SUSD1: variants seen among roughly 807,000 people sequenced by gnomAD.
SUSD1 encodes the protein sushi domain-containing protein 1.
A neutral mutation model predicts 86.9 loss-of-function variants in SUSD1; 65 were observed. The observed-to-expected ratio is 0.75, with a 90% CI of 0.61 to 0.92. The LOEUF (loss-of-function observed/expected upper bound fraction) is 0.92. SUSD1 is among the 40% of genes least tolerant of loss of function. The probability of loss-of-function intolerance (pLI) is 0.00; values close to 1 mark genes in which losing one functional copy is unlikely to be tolerated. For missense variants in SUSD1, 850 were observed against 929.7 expected (o/e 0.91, Z 1.11); for synonymous variants, 346 against 350.0 (o/e 0.99, Z 0.13).
chr9:112,148,972 A>G (rs1459280326), intron 3 of SUSD1, among the ~76,000 whole-genome samples: 1 of 152,010 alleles, frequency 6.6e-6, no homozygotes, highest in Non-Finnish European at 1.5e-5. Context: ...GAACTCCCAT[A>G]GACCCACATC....
At chr9:112,142,820 T>C (rs1832636095) in intron 4 of SUSD1, among the ~76,000 whole-genome samples, 1 of 152,110 alleles carries the variant, frequency 6.6e-6, no homozygotes, top group African/African-American at 2.4e-5. Context: ...CCTTAAGATA[T>C]ATGTACCTTG....
chr9:112,133,705 A>C (rs1470978561), intron 5 of SUSD1, among the ~76,000 whole-genome samples: 4 of 152,254 alleles, frequency 2.6e-5, no homozygotes, highest in African/African-American at 9.6e-5. Context: ...ACAAAAACAA[A>C]AGTGACAAGT....
chr9:112,098,519 T>C lies in SUSD1; in HGVS notation c.1425A>G (p.Arg475=). 3.1e-6 allele frequency: 5 copies of C among 1,614,158 alleles called. No individual in the cohort carries two copies. Among genetic ancestry groups the C allele is most frequent in the Non-Finnish European group, 3.4e-6 (4 of 1,180,022 alleles). ...TTTGCACTGAGTGCCGCTTAGGAGATCTCAGCAGGGTCACATTCACCGTAT... is the reference window on the plus strand; with the variant it reads ...TTTGCACTGAGTGCCGCTTAGGAGACCTCAGCAGGGTCACATTCACCGTAT... The part of the protein sequence containing the change: ...TDYTVNVTLL[R]SPKRHSVQIT... Residue 475 remains arginine (R), a synonymous_variant, in exon 10 of 17, where the codon AGA becomes AGG. Coordinates refer to ENST00000374270, the MANE Select transcript of SUSD1 (RefSeq NM_022486.5).
At chr9:112,165,287 T>C (rs1247461597) in intron 1 of SUSD1, among the ~76,000 whole-genome samples, 2 of 152,216 alleles carry the variant, frequency 1.3e-5, no homozygotes, top group African/African-American at 4.8e-5. Context: ...TCAGTATTTA[T>C]CCTCTGTATT....
intron 12 of SUSD1, among the ~76,000 whole-genome samples, chr9:112,076,384 T>G (rs1829512674): frequency 6.6e-6 from 1 of 152,166 alleles, no homozygotes; most frequent in South Asian, 2.1e-4. Context: ...GTTGACAGAT[T>G]AGAAATTTGG....
chr9:112,109,986 C>T (rs1312375977), intron 8 of SUSD1, among the ~76,000 whole-genome samples: 1 of 152,162 alleles, frequency 6.6e-6, no homozygotes, highest in African/African-American at 2.4e-5. Flanking sequence ...CCCAGCTACT[C>T]GGGTTAAGGT....
intron 1 of SUSD1, among the ~76,000 whole-genome samples, chr9:112,160,935 T>A (rs1165385676): frequency 6.6e-6 from 1 of 152,194 alleles, no homozygotes; most frequent in Non-Finnish European, 1.5e-5. Context: ...AGGCTCCACA[T>A]TAGAAGGACA....
intron 2 of SUSD1, among the ~76,000 whole-genome samples, chr9:112,151,890 C>T (rs1442120920): frequency 1.3e-5 from 2 of 152,000 alleles, no homozygotes; most frequent in African/African-American, 2.4e-5. Flanking sequence ...CAAAATTAGC[C>T]GGGCACAGTG....
intron 6 of SUSD1, among the ~76,000 whole-genome samples, chr9:112,118,080 T>A (rs1048008335): frequency 6.6e-6 from 1 of 152,180 alleles, no homozygotes; most frequent in Non-Finnish European, 1.5e-5. Context: ...TTTATATCCT[T>A]TTTCTTTATT....
At chr9:112,106,017 TCTCGCTCTGTTG>T (rs1830823686) in intron 8 of SUSD1, among the ~76,000 whole-genome samples, 1 of 152,188 alleles carries the variant, frequency 6.6e-6, no homozygotes, top group African/African-American at 2.4e-5. Flanking sequence ...TTTGAGACAG[TCTCGCTCTGTTG>T]CGCAGGCTGG....
At chr9:112,059,403 A>T (rs558690144) in intron 13 of SUSD1, among the ~76,000 whole-genome samples, 6 of 152,340 alleles carry the variant, frequency 3.9e-5, no homozygotes, top group African/African-American at 9.6e-5. Context: ...TAGCAGTCAC[A>T]TGGAGACCGA....
chr9:112,171,538 A>G (rs569916035), intron 1 of SUSD1, among the ~76,000 whole-genome samples: 2 of 152,306 alleles, frequency 1.3e-5, no homozygotes, highest in South Asian at 4.1e-4. Context: ...TGTAAAGAGA[A>G]GCGGATAGTG....
intron 8 of SUSD1, chr9:112,103,023 C>A: frequency 2.8e-6 from 1 of 351,626 alleles, no homozygotes; most frequent in Non-Finnish European, 5.7e-6. Context: ...GGAATAATAT[C>A]AGTGATTTTC....
chr9:112,141,350 C>T (rs1186146599), intron 5 of SUSD1, among the ~76,000 whole-genome samples: 4 of 152,134 alleles, frequency 2.6e-5, no homozygotes, highest in Non-Finnish European at 5.9e-5. Flanking sequence ...TAATACTTGG[C>T]ACACAGTGCC....
At chr9:112,138,237 GTATATATA>G (rs375674193) in intron 5 of SUSD1, among the ~76,000 whole-genome samples, 9 of 4,152 alleles carry the variant, frequency 2.2e-3, no homozygotes, top group Middle Eastern at 0.1. Flanking sequence ...AAAAAAATGT[GTATATATA>G]TATATATATA....
intron 12 of SUSD1, among the ~76,000 whole-genome samples, chr9:112,069,447 G>A (rs980947821): frequency 2.6e-5 from 4 of 152,120 alleles, no homozygotes; most frequent in Admixed American, 2.6e-4. Context: ...ACAACAGCTG[G>A]ATTCCTGTGG....
intron 15 of SUSD1, chr9:112,042,174 G>A: frequency 6.5e-7 from 1 of 1,537,038 alleles, no homozygotes; most frequent in Non-Finnish European, 8.7e-7. Context: ...TTCTGAAAAG[G>A]AAGTGTAAAG....
At chr9:112,117,539 C>CAT (rs1197847427) in intron 6 of SUSD1, among the ~76,000 whole-genome samples, 1 of 151,760 alleles carries the variant, frequency 6.6e-6, no homozygotes, top group Non-Finnish European at 1.5e-5. Context: ...CACACAGGTA[C>CAT]ATATATATGT....
Position 112,078,809 on chromosome 9 carries a change from CTCTT to C in SUSD1, c.1567-89_1567-86del. The C allele has an allele frequency of 3.7e-5, 31 of 829,670 alleles. No homozygotes were observed. The African/African-American group carries it at 5.2e-4, about 14-fold the overall frequency. The allele number at this position is 829,670 out of a possible 1,614,324, so 51.4% of individuals were successfully genotyped here. On this transcript the variant is annotated intron_variant, in intron 11 of 16. Transcript: ENST00000374270. ...AAACCTCCCCTTTTCCTTTTTCTTT[CTCTT>C]TTTTTTTTTTTTTTTTTGAGATGGG...
Sources: gnomAD v4.1 joint callset for allele counts (sites outside exome capture counted in the v4.1 genomes callset) on GRCh38, gnomAD v4.1.1 for gene constraint, MANE v1.5 for transcripts, NCBI Gene and HGNC (gene_info 2026-07-23, HGNC 2026-07-21) for gene names.